FAM227A: variants seen among roughly 807,000 people sequenced by gnomAD.
FAM227A encodes family with sequence similarity 227 member A, also known as protein FAM227A.
In FAM227A, 80 loss-of-function variants were observed where a neutral mutation model predicts 74.7. The ratio of observed to expected loss-of-function variants is 1.07; its 90% confidence interval spans 0.89 to 1.29. The LOEUF (loss-of-function observed/expected upper bound fraction) is 1.29, where lower values mean the gene tolerates loss of function less well. Among genes scored for constraint, FAM227A ranks in the 50% most tolerant of loss-of-function variants. FAM227A has a pLI of 0.00. For synonymous variants in FAM227A, 237 were observed against 241.8 expected (o/e 0.98, Z 0.19); for missense variants, 654 against 683.4 (o/e 0.96, Z 0.48).
At chr22:38,610,145 C>T (rs2068700046) in intron 11 of FAM227A, among the ~76,000 whole-genome samples, 1 of 151,984 alleles carries the variant, frequency 6.6e-6, no homozygotes, top group Non-Finnish European at 1.5e-5. Context: ...TGCAATGCAG[C>T]TGGGTCCACA....
At chr22:38,623,680 ATGTGAAGACATCACAGT>A (rs2145570043) in intron 9 of FAM227A, among the ~76,000 whole-genome samples, 1 of 152,328 alleles carries the variant, frequency 6.6e-6, no homozygotes, top group East Asian at 1.9e-4. Flanking sequence ...TGCTTTGCAA[ATGTGAAGACATCACAGT>A]TATTTGTTTT....
intron 3 of FAM227A, among the ~76,000 whole-genome samples, chr22:38,644,003 C>T (rs2092172603): frequency 6.6e-6 from 1 of 151,864 alleles, no homozygotes; most frequent in Admixed American, 6.6e-5. Flanking sequence ...AAAAATTAGC[C>T]TGGCGTGGTG....
chr22:38,597,336 G>A lies in FAM227A; in HGVS notation c.1400C>T (p.Thr467Ile). Residue 467 changes from threonine to isoleucine, a missense_variant, in exon 15 of 17, where the codon ACT becomes ATT. Coordinates refer to ENST00000535113, the MANE Select transcript of FAM227A (RefSeq NM_001013647.2). Reference sequence around the variant, plus strand: ...GCACAGGGTCTCGCTGATGACATCAGTATACGTTGGGGTGCAGTCAGTGGC... The same window carrying A: ...GCACAGGGTCTCGCTGATGACATCAATATACGTTGGGGTGCAGTCAGTGGC... The part of the protein sequence containing the change: ...TSTPDCTPTY[T>I]DVISETLCSM... The A allele has an allele frequency of 1.3e-6, 2 of 1,551,858 alleles. No individual in the cohort carries two copies. Among genetic ancestry groups the A allele is most frequent in the Non-Finnish European group, 1.7e-6 (2 of 1,147,042 alleles).
At chr22:38,626,891 A>AAAAATATATATATATATATAT (rs1555966996) in intron 8 of FAM227A, among the ~76,000 whole-genome samples, 1 of 57,686 alleles carries the variant, frequency 1.7e-5, no homozygotes, top group African/African-American at 8.7e-5. Context: ...AAAAAAAAAA[A>AAAAATATATATATATATATAT]ATATATATAT....
intron 10 of FAM227A, among the ~76,000 whole-genome samples, chr22:38,621,829 C>T (rs1048109580): frequency 2.0e-5 from 3 of 152,172 alleles, no homozygotes; most frequent in Non-Finnish European, 4.4e-5. Context: ...TGGACCAACA[C>T]ACCCTTCAAA....
chr22:38,585,358 A>G lies in FAM227A; in HGVS notation c.*767T>C, dbSNP rs2090783789. 6.6e-6 allele frequency: 1 copy of G among 152,226 alleles called. No individual in the cohort carries two copies. The highest frequency in any genetic ancestry group is 1.9e-4 in the East Asian group (1 of 5,196). 9.4% of individuals were successfully genotyped at this position (152,226 alleles called of 1,614,324 possible). On this transcript the variant is annotated 3_prime_UTR_variant, in exon 17 of 17. Coordinates refer to ENST00000535113, the MANE Select transcript of FAM227A (RefSeq NM_001013647.2). ...GAAGGTGAGAGGTTAAGAAGGCAGA[A>G]GCCTGGGAGTCACACAGAAACACAT...
chr22:38,588,857 G>A (rs1230473766), intron 16 of FAM227A, among the ~76,000 whole-genome samples: 1 of 149,310 alleles, frequency 6.7e-6, no homozygotes, highest in Non-Finnish European at 1.5e-5. Flanking sequence ...GAAGCTGGGA[G>A]GCGGAGGTTG....
At chr22:38,605,442 A>T in intron 12 of FAM227A, 94 bp from the exon 13 acceptor site, 1 of 700,364 alleles carries the variant, frequency 1.4e-6, no homozygotes, top group Non-Finnish European at 2.5e-6. Context: ...GGTGTGTGCC[A>T]CCGCACCCAG....
rs920343603 is a variant in FAM227A at position 38,656,389 on chromosome 22, T to C, written c.-364A>G. On this transcript the variant is annotated 5_prime_UTR_variant, in exon 1 of 17. Coordinates refer to ENST00000535113, the MANE Select transcript of FAM227A (RefSeq NM_001013647.2). ...ATGGAACCTTCGTGAGCCGCCGCGT[T>C]GTCCGCGAGATGCCGTTTCTATGGT... is the stretch of plus-strand genomic sequence containing the variant. 9 of 152,464 alleles carry C rather than the reference T, an allele frequency of 5.9e-5. 1 individual carries two copies. The East Asian group carries it at 1.4e-3, about 23-fold the overall frequency. The allele number at this position is 152,464 out of a possible 1,614,324, so 9.4% of individuals were successfully genotyped here. A position where few individuals can be genotyped will look rare whatever the true frequency, so the allele number is the denominator to read the frequency against.
Position 38,581,742 on chromosome 22 carries a change from GT to G in FAM227A, c.*4382del, listed in dbSNP as rs58028591. On this transcript the variant is annotated 3_prime_UTR_variant, in exon 17 of 17. Transcript: ENST00000535113. ...GCGTTAGCCACCGCACCTGGCTCAG[GT>G]TTTTTTTTTTTTTTTTCCCAGACAC... 1.2e-3 allele frequency: 169 copies of G among 137,280 alleles called. No homozygotes were observed. Among genetic ancestry groups the G allele is most frequent in the Middle Eastern group, 3.8e-3 (1 of 262 alleles). The allele number at this position is 137,280 out of a possible 1,614,324, so 8.5% of individuals were successfully genotyped here. A position where few individuals can be genotyped will look rare whatever the true frequency, so the allele number is the denominator to read the frequency against.
Position 38,583,774 on chromosome 22 carries a change from A to G in FAM227A, c.*2351T>C, listed in dbSNP as rs1368078757. The G allele has an allele frequency of 6.6e-6, 1 of 152,112 alleles. No homozygotes were observed. Among genetic ancestry groups the G allele is most frequent in the Non-Finnish European group, 1.5e-5 (1 of 68,030 alleles). The allele number at this position is 152,112 out of a possible 1,614,324, so 9.4% of individuals were successfully genotyped here. ...TTACCTTTCCTTCATCCCCTTTTAC[A>G]TGAGTAATAGCCTCCAAGGGGGTCA... On this transcript the variant is annotated 3_prime_UTR_variant, in exon 17 of 17. Coordinates refer to ENST00000535113, the MANE Select transcript of FAM227A (RefSeq NM_001013647.2).
At chr22:38,609,542 A>G (rs1022114398) in intron 11 of FAM227A, among the ~76,000 whole-genome samples, 5 of 152,174 alleles carry the variant, frequency 3.3e-5, no homozygotes, top group Non-Finnish European at 5.9e-5. Context: ...TGGCAATGTT[A>G]AACAGATGGC....
intron 8 of FAM227A, among the ~76,000 whole-genome samples, chr22:38,626,889 A>AAAAAAAT (rs2091817048): frequency 1.2e-5 from 1 of 86,538 alleles, no homozygotes; most frequent in African/African-American, 5.6e-5. Context: ...AAAAAAAAAA[A>AAAAAAAT]AAATATATAT....
rs1430220434 is a variant in FAM227A, at chr22:38,582,633, G to C, written c.*3492C>G. ...AACTCTGAGTCCTCAGTCATTTCTG[G>C]AAAGGGTCCATGCAGGGATGATCTT... On this transcript the variant is annotated 3_prime_UTR_variant, in exon 17 of 17. Coordinates refer to ENST00000535113, the MANE Select transcript of FAM227A (RefSeq NM_001013647.2). 1.1e-5 allele frequency: 8 copies of C among 732,174 alleles called. No individual in the cohort carries two copies. Among genetic ancestry groups the C allele is most frequent in the Non-Finnish European group, 1.5e-5 (7 of 456,624 alleles). The allele number at this position is 732,174 out of a possible 1,614,324, so 45.4% of individuals were successfully genotyped here. A position where few individuals can be genotyped will look rare whatever the true frequency, so the allele number is the denominator to read the frequency against.
chr22:38,620,188 C>T, intron 11 of FAM227A, 24 bp downstream of exon 11: 1 of 1,533,144 alleles, frequency 6.5e-7, no homozygotes, highest in Non-Finnish European at 8.8e-7. Flanking sequence ...CCAAAGGGGT[C>T]CTGGTCCGTG....
intron 3 of FAM227A, among the ~76,000 whole-genome samples, chr22:38,641,699 T>TGTTG (rs58326269): frequency 0.35 from 53,059 of 151,434 alleles, 9,597 homozygotes; most frequent in East Asian, 0.47. Flanking sequence ...AGTAGCGACT[T>TGTTG]GTTGGTTGAC....
In FAM227A at chr22:38,579,898, CAT is replaced by C. The variant is rs889082137; in HGVS notation, c.*6225_*6226del. 11 of 151,966 alleles carry C rather than the reference CAT, an allele frequency of 7.2e-5. No homozygotes were observed. The highest frequency in any genetic ancestry group is 2.2e-4 in the African/African-American group (9 of 41,376). The allele number at this position is 151,966 out of a possible 1,614,324, so 9.4% of individuals were successfully genotyped here. A position where few individuals can be genotyped will look rare whatever the true frequency, so the allele number is the denominator to read the frequency against. On this transcript the variant is annotated 3_prime_UTR_variant, in exon 17 of 17. Transcript: ENST00000535113. Reference sequence around the variant, plus strand: ...TTCAATGGGATCCAAATAATGTCCACATGTTGTAATTGATTGATGTCTTTTTT... The same window carrying C: ...TTCAATGGGATCCAAATAATGTCCACGTTGTAATTGATTGATGTCTTTTTT...
At chr22:38,633,745 T>C (rs1024200552) in intron 6 of FAM227A, among the ~76,000 whole-genome samples, 2 of 152,016 alleles carry the variant, frequency 1.3e-5, no homozygotes, top group Non-Finnish European at 2.9e-5. Context: ...TTTCACCACA[T>C]TGGCCAGGGT....
chr22:38,630,191 C>T (rs938789324), intron 6 of FAM227A, among the ~76,000 whole-genome samples: 4 of 152,256 alleles, frequency 2.6e-5, no homozygotes, highest in African/African-American at 9.6e-5. Flanking sequence ...CTCTCCTTTA[C>T]CATCAGCCAT....
Sources: allele counts gnomAD v4.1 joint callset (sites outside exome capture counted in the v4.1 genomes callset), GRCh38; gene constraint gnomAD v4.1.1; transcripts MANE v1.5; gene names NCBI Gene and HGNC (gene_info 2026-07-23, HGNC 2026-07-21).